The following APPBP2 variants were observed in gnomAD, a reference collection of about 807,000 sequenced individuals.
APPBP2 encodes amyloid protein-binding protein 2.
In APPBP2, 15 loss-of-function variants were observed where a neutral mutation model predicts 76.0. That is an observed-to-expected ratio of 0.20 (90% CI 0.13 to 0.30). The LOEUF is 0.30. Among genes scored for constraint, APPBP2 ranks in the 10% least tolerant of loss-of-function variants. The pLI is 1.00. For synonymous variants in APPBP2, 222 were observed against 242.2 expected (o/e 0.92, Z 0.77); for missense variants, 401 against 687.2 (o/e 0.58, Z 4.66).
intron 1 of APPBP2, among the ~76,000 whole-genome samples, chr17:60,511,582 GAAAAAAA>G (rs397946277): frequency 8.6e-6 from 1 of 116,698 alleles, no homozygotes; most frequent in African/African-American, 2.8e-5. Context: ...AGACTCCATT[GAAAAAAA>G]AAAAAAAGAA....
intron 2 of APPBP2, among the ~76,000 whole-genome samples, chr17:60,498,590 T>A (rs1156376000): frequency 6.6e-6 from 1 of 152,016 alleles, no homozygotes; most frequent in African/African-American, 2.4e-5. Context: ...ACCATATATA[T>A]ATACAGCAAC....
chr17:60,476,007 C>G (rs2090588281), intron 4 of APPBP2, among the ~76,000 whole-genome samples: 1 of 152,148 alleles, frequency 6.6e-6, no homozygotes, highest in Non-Finnish European at 1.5e-5. Context: ...CAAGCCAGTT[C>G]AGTAACTGTA....
At chr17:60,481,585 A>C (rs1020869589) in intron 3 of APPBP2, among the ~76,000 whole-genome samples, 3 of 152,320 alleles carry the variant, frequency 2.0e-5, no homozygotes, top group Middle Eastern at 3.4e-3. Context: ...ATCCCTAAAA[A>C]TTTAGGTTTA....
chr17:60,526,176 T>G lies in APPBP2; in HGVS notation c.-245A>C. Reference sequence around the variant, plus strand: ...GCCAGCCAGGCCAAAAGCGTCACAATCCCGGTTCGAGAGGAACCCGGGTTC... The same window carrying G: ...GCCAGCCAGGCCAAAAGCGTCACAAGCCCGGTTCGAGAGGAACCCGGGTTC... On this transcript the variant is annotated 5_prime_UTR_variant, in exon 1 of 13. Transcript: ENST00000083182. 1 of 496,414 alleles carries G rather than the reference T, an allele frequency of 2.0e-6. No individual in the cohort carries two copies. The allele number at this position is 496,414 out of a possible 1,614,324, so 30.8% of individuals were successfully genotyped here. A position where few individuals can be genotyped will look rare whatever the true frequency, so the allele number is the denominator to read the frequency against.
intron 1 of APPBP2, among the ~76,000 whole-genome samples, chr17:60,506,652 ATT>A (rs2090870348): frequency 6.6e-6 from 1 of 152,196 alleles, no homozygotes; most frequent in Admixed American, 6.5e-5. Context: ...CACACTCTAC[ATT>A]CTATGAGGTG....
At position 60,476,729 on chromosome 17, in the gene APPBP2, GAATTGTT is replaced by G. The variant is rs984775952; in HGVS notation, c.503+2412_503+2418del. Among the ~76,000 whole-genome samples, 3 of 152,070 alleles carry G rather than the reference GAATTGTT, an allele frequency of 2.0e-5. No homozygotes were observed. The South Asian group carries it at 6.2e-4, about 32-fold the overall frequency. On this transcript the variant is annotated intron_variant, in intron 4 of 12. Coordinates refer to ENST00000083182, the MANE Select transcript of APPBP2 (RefSeq NM_006380.5). The stretch of plus-strand genomic sequence containing the variant: ...GCTTGCTAAAAAGACAGCTAGTTCT[GAATTGTT>G]AATTATCTATTGTTTTTAATTTATT...
intron 3 of APPBP2, among the ~76,000 whole-genome samples, chr17:60,479,566 C>G (rs536834327): frequency 1.3e-5 from 2 of 152,272 alleles, no homozygotes; most frequent in South Asian, 2.1e-4. Context: ...AATTATTTTA[C>G]TATTTTCATC....
chr17:60,512,305 G>A (rs931884098), intron 1 of APPBP2, among the ~76,000 whole-genome samples: 5 of 151,604 alleles, frequency 3.3e-5, no homozygotes, highest in African/African-American at 4.8e-5. Flanking sequence ...GGGTTTCACC[G>A]TGTTAGCCAG....
intron 4 of APPBP2, among the ~76,000 whole-genome samples, chr17:60,478,351 A>C (rs562168723): frequency 6.6e-6 from 1 of 152,222 alleles, no homozygotes; most frequent in Non-Finnish European, 1.5e-5. Context: ...AAGCAGAGTT[A>C]CTTCTAGATT....
intron 3 of APPBP2, among the ~76,000 whole-genome samples, chr17:60,492,011 C>G (rs898856484): frequency 1.6e-4 from 25 of 152,258 alleles, no homozygotes; most frequent in Non-Finnish European, 2.9e-4. Flanking sequence ...GAGCCCAGGG[C>G]CCCCCTGCTG....
At chr17:60,492,180 T>C (rs767518310) in intron 3 of APPBP2, among the ~76,000 whole-genome samples, 9 of 152,270 alleles carry the variant, frequency 5.9e-5, no homozygotes, top group Non-Finnish European at 7.4e-5. Context: ...AAGTCAAGAA[T>C]TGAGGTTTGG....
chr17:60,484,966 T>C (rs2090661504), intron 3 of APPBP2, among the ~76,000 whole-genome samples: 1 of 152,182 alleles, frequency 6.6e-6, no homozygotes, highest in African/African-American at 2.4e-5. Context: ...GAGATAATCA[T>C]GTGGTTTTTG....
At chr17:60,503,714 G>A (rs1199546649) in intron 1 of APPBP2, among the ~76,000 whole-genome samples, 2 of 146,568 alleles carry the variant, frequency 1.4e-5, no homozygotes, top group East Asian at 3.9e-4. Flanking sequence ...TGAATTAAAG[G>A]GGTTTTTGGA....
intron 8 of APPBP2, 97 bp from the exon 9 acceptor site, chr17:60,460,884 C>T (rs1409545223): frequency 3.2e-6 from 4 of 1,248,854 alleles, no homozygotes; most frequent in East Asian, 2.7e-5. Flanking sequence ...ATATGCCTAA[C>T]ACCATAAAAT....
intron 1 of APPBP2, among the ~76,000 whole-genome samples, chr17:60,512,345 C>G (rs1034417105): frequency 6.6e-6 from 1 of 151,802 alleles, no homozygotes; most frequent in African/African-American, 2.4e-5. Flanking sequence ...CCTCGTGATC[C>G]GCCCGCCTCG....
intron 1 of APPBP2, among the ~76,000 whole-genome samples, chr17:60,508,762 A>T (rs1225258247): frequency 6.6e-6 from 1 of 152,098 alleles, no homozygotes; most frequent in African/African-American, 2.4e-5. Flanking sequence ...TGATTTACAG[A>T]CCCCAAACTC....
At chr17:60,457,573 A>G (rs1567919295) in intron 9 of APPBP2, among the ~76,000 whole-genome samples, 1 of 151,788 alleles carries the variant, frequency 6.6e-6, no homozygotes, top group African/African-American at 2.4e-5. Flanking sequence ...TTACAGGTGT[A>G]CACTGCCATG....
chr17:60,513,303 TA>T, intron 1 of APPBP2: 1 of 542,086 alleles, frequency 1.8e-6, no homozygotes, highest in East Asian at 3.4e-5. Flanking sequence ...ATTTGGGAAA[TA>T]TGGACCTATT....
intron 1 of APPBP2, among the ~76,000 whole-genome samples, chr17:60,517,229 G>A (rs1157705189): frequency 6.6e-6 from 1 of 152,082 alleles, no homozygotes; most frequent in Non-Finnish European, 1.5e-5. Flanking sequence ...CCCTGCCTTG[G>A]CCTCTCAAAG....
Sources: allele counts gnomAD v4.1 joint callset (sites outside exome capture counted in the v4.1 genomes callset), GRCh38; gene constraint gnomAD v4.1.1; transcripts MANE v1.5; gene names NCBI Gene and HGNC (gene_info 2026-07-23, HGNC 2026-07-21).